The following CDH13 variants were observed in gnomAD, a reference collection of about 807,000 sequenced individuals.
CDH13 encodes cadherin 13.
Under a neutral mutation model 63.8 loss-of-function variants are expected in CDH13, and 24 were observed. The ratio of observed to expected loss-of-function variants is 0.38; its 90% CI spans 0.27 to 0.53. CDH13 has a LOEUF of 0.53. CDH13 is among the 20% of genes least tolerant of loss of function. The probability of loss-of-function intolerance (pLI) is 0.85; values close to 1 mark genes in which losing one functional copy is unlikely to be tolerated. For synonymous variants in CDH13, 503 were observed against 355.3 expected (o/e 1.42, Z -4.67); for missense variants, 1,049 against 903.1 (o/e 1.16, Z -2.07).
chr16:82,771,731 T>G (rs1369642104), intron 1 of CDH13, among the ~76,000 whole-genome samples: 5 of 152,178 alleles, frequency 3.3e-5, no homozygotes, highest in Admixed American at 2.6e-4. Context: ...TGTGTTAAAG[T>G]GATGTATCGG....
At chr16:83,426,778 C>G (rs145620974) in intron 6 of CDH13, among the ~76,000 whole-genome samples, 2 of 152,112 alleles carry the variant, frequency 1.3e-5, no homozygotes, top group African/African-American at 2.4e-5. Context: ...TCCTACCAAA[C>G]TTAAACTTCT....
intron 6 of CDH13, among the ~76,000 whole-genome samples, chr16:83,346,384 A>G (rs2090839920): frequency 6.6e-6 from 1 of 152,184 alleles, no homozygotes; most frequent in Admixed American, 6.5e-5. Context: ...TTCTTAAACG[A>G]GCTGATGTGC....
At chr16:83,267,398 C>A (rs1407425524) in intron 5 of CDH13, among the ~76,000 whole-genome samples, 1 of 152,156 alleles carries the variant, frequency 6.6e-6, no homozygotes, top group African/African-American at 2.4e-5. Context: ...GTGTCAGAGG[C>A]AGGCACATCG....
chr16:83,190,058 T>G (rs2038649404), intron 4 of CDH13, among the ~76,000 whole-genome samples: 1 of 152,206 alleles, frequency 6.6e-6, no homozygotes, highest in South Asian at 2.1e-4. Context: ...ACCTCTTTCC[T>G]TTATAAAGTA....
intron 7 of CDH13, among the ~76,000 whole-genome samples, chr16:83,578,542 T>G (rs537588978): frequency 1.3e-5 from 2 of 152,334 alleles, no homozygotes; most frequent in African/African-American, 4.8e-5. Flanking sequence ...AAGCCTGAGC[T>G]GACCCTTCAA....
At chr16:82,720,677 G>GT (rs11385287) in intron 1 of CDH13, among the ~76,000 whole-genome samples, 11,151 of 147,590 alleles carry the variant, frequency 0.076, 404 homozygotes, top group Middle Eastern at 0.14. Context: ...AAGAGTTAGT[G>GT]TTTTTTTTTT....
chr16:82,779,060 G>A (rs1367301855), intron 1 of CDH13, among the ~76,000 whole-genome samples: 3 of 152,192 alleles, frequency 2.0e-5, no homozygotes, highest in Non-Finnish European at 4.4e-5. Flanking sequence ...ATCTAGAAGT[G>A]TAAAGTTAGG....
At chr16:83,607,564 G>A (rs1908460927) in intron 8 of CDH13, among the ~76,000 whole-genome samples, 1 of 152,166 alleles carries the variant, frequency 6.6e-6, no homozygotes. Flanking sequence ...AGCATTTGCT[G>A]AACGCTTCCT....
intron 6 of CDH13, among the ~76,000 whole-genome samples, chr16:83,440,182 A>T (rs1169225907): frequency 6.6e-6 from 1 of 152,270 alleles, no homozygotes; most frequent in Non-Finnish European, 1.5e-5. Flanking sequence ...TAAAGCTTTT[A>T]TCATTTAAAT....
chr16:83,175,079 G>A (rs753096372), intron 4 of CDH13, among the ~76,000 whole-genome samples: 3 of 152,018 alleles, frequency 2.0e-5, no homozygotes, highest in Non-Finnish European at 4.4e-5. Context: ...GCTACGTATC[G>A]CTGGTGGCTA....
chr16:82,997,289 G>A (rs941512788), intron 2 of CDH13, among the ~76,000 whole-genome samples: 2 of 152,272 alleles, frequency 1.3e-5, no homozygotes, highest in East Asian at 1.9e-4. Context: ...ACAAGCAAAT[G>A]TGTAAACTCA....
At chr16:82,960,348 G>A (rs1906779136) in intron 2 of CDH13, among the ~76,000 whole-genome samples, 1 of 152,160 alleles carries the variant, frequency 6.6e-6, no homozygotes, top group Non-Finnish European at 1.5e-5. Flanking sequence ...GGTTCATGAT[G>A]GACCTATTTG....
Position 83,031,993 on chromosome 16 carries a change from T to G in CDH13, c.158-17T>G. 1 of 1,562,418 alleles carries G rather than the reference T, an allele frequency of 6.4e-7. No homozygotes were observed. The highest frequency in any genetic ancestry group is 8.7e-7 in the Non-Finnish European group (1 of 1,151,480). On this transcript the variant is annotated splice_polypyrimidine_tract_variant and intron_variant, in intron 2 of 13. Transcript: ENST00000567109. ...CAACCTACTCATGCTCCTTCTGTTG[T>G]TTCGTTTGTTTCCCAGTGACCTTCA...
chr16:83,788,802 G>A (rs771155801), intron 13 of CDH13, among the ~76,000 whole-genome samples: 14 of 152,192 alleles, frequency 9.2e-5, no homozygotes, highest in Non-Finnish European at 2.1e-4. Context: ...CTCACTGTAA[G>A]TAGGGGCACC....
intron 2 of CDH13, among the ~76,000 whole-genome samples, chr16:82,864,433 C>T (rs778220648): frequency 1.6e-4 from 24 of 152,096 alleles, no homozygotes; most frequent in Admixed American, 9.8e-4. Context: ...GGGGTGGCCT[C>T]GGGAAGCTTA....
Position 83,266,059 on chromosome 16 carries a change from C to T in CDH13, c.636+48562C>T, listed in dbSNP as rs553367754. Among the ~76,000 whole-genome samples the T allele has an allele frequency of 1.2e-4, 18 of 152,250 alleles. No individual in the cohort carries two copies. The South Asian group carries it at 3.3e-3, about 28-fold the overall frequency. ...TCAAGCGATTCTCCTGCCTCAGCAT[C>T]CCTAGTACCTGAGATTACAGGCGCC... On this transcript the variant is annotated intron_variant, in intron 5 of 13. Transcript: ENST00000567109.
intron 2 of CDH13, among the ~76,000 whole-genome samples, chr16:82,873,615 G>C (rs1210431426): frequency 1.3e-5 from 2 of 152,182 alleles, no homozygotes; most frequent in Non-Finnish European, 2.9e-5. Context: ...CTGTGAAATG[G>C]AGATAGTATT....
chr16:83,025,843 C>G (rs1001592648), intron 2 of CDH13, among the ~76,000 whole-genome samples: 3 of 152,132 alleles, frequency 2.0e-5, no homozygotes. Context: ...ATGTAAGGTC[C>G]TGGTTCCTGG....
At chr16:82,734,783 T>C (rs1000010030) in intron 1 of CDH13, among the ~76,000 whole-genome samples, 1 of 151,932 alleles carries the variant, frequency 6.6e-6, no homozygotes, top group Non-Finnish European at 1.5e-5. Context: ...TGATCGGTCA[T>C]TGAATATAGG....
Sources: allele counts gnomAD v4.1 joint callset (sites outside exome capture counted in the v4.1 genomes callset), GRCh38; gene constraint gnomAD v4.1.1; transcripts MANE v1.5; gene names NCBI Gene and HGNC (gene_info 2026-07-23, HGNC 2026-07-21).